Variants in CSGALNACT1 observed in about 807,000 individuals in gnomAD.
CSGALNACT1 encodes the protein beta4GalNAcT-1.
Under a neutral mutation model 51.0 loss-of-function variants are expected in CSGALNACT1, and 52 were observed. The ratio of observed to expected loss-of-function variants is 1.02; its 90% CI spans 0.82 to 1.29. The LOEUF (loss-of-function observed/expected upper bound fraction) is 1.29, where lower values mean the gene tolerates loss of function less well. Ranked by LOEUF, CSGALNACT1 falls within the 50% of genes most tolerant of loss-of-function variation. The pLI is 0.00. For synonymous variants in CSGALNACT1, 341 were observed against 254.4 expected, an observed-to-expected ratio of 1.34 and a Z score of -3.24; for missense variants, 935 against 679.2, an observed-to-expected ratio of 1.38 and a Z score of -4.19.
chr8:19,745,881 T>C (rs1161551850), intron 1 of CSGALNACT1, among the ~76,000 whole-genome samples: 3 of 152,034 alleles, frequency 2.0e-5, no homozygotes, highest in Non-Finnish European at 4.4e-5. Flanking sequence ...GGAATATAAG[T>C]ACACATCGGA....
chr8:19,466,976 A>G (rs1440039066), intron 4 of CSGALNACT1, among the ~76,000 whole-genome samples: 1 of 152,178 alleles, frequency 6.6e-6, no homozygotes, highest in Non-Finnish European at 1.5e-5. Flanking sequence ...ATTTCTCTAC[A>G]CTGCATTTGT....
At chr8:19,513,161 C>G (rs901793231) in intron 3 of CSGALNACT1, among the ~76,000 whole-genome samples, 4 of 151,978 alleles carry the variant, frequency 2.6e-5, no homozygotes, top group African/African-American at 9.7e-5. Context: ...CCACCACCAC[C>G]CTACTCAAGG....
chr8:19,628,256 A>T (rs1295388016), intron 1 of CSGALNACT1, among the ~76,000 whole-genome samples: 1 of 152,168 alleles, frequency 6.6e-6, no homozygotes, highest in Non-Finnish European at 1.5e-5. Context: ...AGGCCTCAGG[A>T]AACTTGTAAT....
intron 4 of CSGALNACT1, among the ~76,000 whole-genome samples, chr8:19,473,886 G>A (rs187655292): frequency 6.6e-6 from 1 of 152,242 alleles, no homozygotes; most frequent in Admixed American, 6.5e-5. Context: ...CCAGAAAACA[G>A]GTCACAATTT....
chr8:19,427,599 T>G (rs528210790), intron 6 of CSGALNACT1, among the ~76,000 whole-genome samples: 2 of 152,148 alleles, frequency 1.3e-5, no homozygotes, highest in South Asian at 4.2e-4. Context: ...CCATCCTGGC[T>G]AACACGGTGA....
At chr8:19,737,964 G>A (rs978026917) in intron 1 of CSGALNACT1, among the ~76,000 whole-genome samples, 1 of 152,200 alleles carries the variant, frequency 6.6e-6, no homozygotes, top group African/African-American at 2.4e-5. Context: ...CTGGAGATGG[G>A]CAGTGGTGAT....
At chr8:19,595,887 A>T (rs546857376) in intron 2 of CSGALNACT1, among the ~76,000 whole-genome samples, 9 of 130,540 alleles carry the variant, frequency 6.9e-5, no homozygotes, top group Middle Eastern at 4.6e-3. Context: ...TTTTTGAGAC[A>T]GGGTCTCACT....
chr8:19,698,415 G>A (rs1292460338), intron 1 of CSGALNACT1, among the ~76,000 whole-genome samples: 3 of 152,202 alleles, frequency 2.0e-5, no homozygotes, highest in Non-Finnish European at 4.4e-5. Flanking sequence ...ACTAATATTT[G>A]AATAAGCACA....
At chr8:19,505,539 T>G (rs754600161) in exon 4 of CSGALNACT1, 4 of 1,613,978 alleles carry the variant, frequency 2.5e-6, no homozygotes, top group African/African-American at 2.7e-5. Flanking sequence ...ATCGCTGGCT[T>G]GGTACTGCCC....
At chr8:19,704,011 C>G (rs943438295) in intron 1 of CSGALNACT1, among the ~76,000 whole-genome samples, 2 of 152,168 alleles carry the variant, frequency 1.3e-5, no homozygotes, top group Non-Finnish European at 2.9e-5. Context: ...CTTCCAGCCC[C>G]ACTCAGTAAG....
upstream of CSGALNACT1, among the ~76,000 whole-genome samples, chr8:19,602,960 TG>T (rs1483934823): frequency 6.6e-6 from 1 of 151,438 alleles, no homozygotes; most frequent in Non-Finnish European, 1.5e-5. Flanking sequence ...CATCTATATA[TG>T]TATTTGCTAT....
At chr8:19,405,857 C>A in exon 10 of CSGALNACT1, 1 of 1,614,082 alleles carries the variant, frequency 6.2e-7, no homozygotes. Flanking sequence ...ACCAGCATGC[C>A]CAGCTGGCCG....
At chr8:19,710,607 C>T (rs929259312) in intron 1 of CSGALNACT1, among the ~76,000 whole-genome samples, 2 of 151,902 alleles carry the variant, frequency 1.3e-5, no homozygotes, top group Admixed American at 6.6e-5. Flanking sequence ...GAGTGGTCCA[C>T]GAGTTCTTGT....
upstream of CSGALNACT1, among the ~76,000 whole-genome samples, chr8:19,606,950 T>C (rs1436418821): frequency 6.6e-6 from 1 of 151,976 alleles, no homozygotes; most frequent in African/African-American, 2.4e-5. Flanking sequence ...GGTCAGGAGA[T>C]CGAGATCATC....
At chr8:19,501,373 T>C (rs577754312) in intron 4 of CSGALNACT1, among the ~76,000 whole-genome samples, 2 of 152,284 alleles carry the variant, frequency 1.3e-5, no homozygotes, top group East Asian at 3.9e-4. Context: ...AATCATCTTT[T>C]AAAGGCCCCA....
chr8:19,524,335 C>T (rs982473527), intron 3 of CSGALNACT1, among the ~76,000 whole-genome samples: 1 of 152,094 alleles, frequency 6.6e-6, no homozygotes, highest in African/African-American at 2.4e-5. Context: ...TCCCACCATC[C>T]CCACTCCAAT....
rs1408760383 is a variant in CSGALNACT1 at position 19,474,876 on chromosome 8, A to AAAG, written c.635-16235_635-16234insCTT. 1.9e-4 allele frequency among the ~76,000 whole-genome samples: 28 copies of AAAG among 150,732 alleles called. 1 individual carries two copies. The highest frequency in any genetic ancestry group is 3.5e-4 in the Non-Finnish European group (24 of 67,718). The stretch of plus-strand genomic sequence containing the variant: ...GAGTGAAACTCTGTCTCAGAAAAAA[A>AAAG]AAAAAAAAAAGAAAAAAAAAAGAAA... On this transcript the variant is annotated intron_variant, in intron 4 of 9. Coordinates refer to ENST00000454498, the Ensembl canonical transcript of CSGALNACT1.
intron 3 of CSGALNACT1, among the ~76,000 whole-genome samples, chr8:19,588,594 C>T (rs1275695239): frequency 6.6e-6 from 1 of 152,206 alleles, no homozygotes; most frequent in Non-Finnish European, 1.5e-5. Flanking sequence ...GGCAGTATTT[C>T]AGGAGCTGGA....
In CSGALNACT1 at chr8:19,428,538, C is replaced by T. The variant is rs149712064; in HGVS notation, c.954-8020G>A. ...TCCCTCCCACAACACGTGGGAATTA[C>T]GGGAGCTACAGTTCAAGATGAGACT... On this transcript the variant is annotated intron_variant, in intron 6 of 9. Coordinates refer to ENST00000454498, the Ensembl canonical transcript of CSGALNACT1. Among the ~76,000 whole-genome samples the T allele has an allele frequency of 7.2e-5, 11 of 152,190 alleles. No individual in the cohort carries two copies. In the East Asian group the frequency reaches 7.7e-4, roughly 11 times the overall value.
Sources: gnomAD v4.1 joint callset for allele counts (sites outside exome capture counted in the v4.1 genomes callset) on GRCh38, gnomAD v4.1.1 for gene constraint, MANE v1.5 for transcripts, NCBI Gene and HGNC (gene_info 2026-07-23, HGNC 2026-07-21) for gene names.